Variants in PDE10A observed in about 807,000 individuals in gnomAD.
PDE10A encodes the protein cAMP and cAMP-inhibited cGMP 3',5'-cyclic phosphodiesterase 10A.
A neutral mutation model predicts 97.7 loss-of-function variants in PDE10A; 39 were observed. That is an observed-to-expected ratio of 0.40 (90% CI 0.31 to 0.52). PDE10A has a LOEUF of 0.52. PDE10A is among the 20% of genes least tolerant of loss of function. The pLI, the probability that PDE10A is intolerant of heterozygous loss-of-function variation, is 0.56. For missense variants in PDE10A, 731 were observed against 1,047.8 expected, an observed-to-expected ratio of 0.70 and a Z score of 4.17; for synonymous variants, 371 against 376.8, an observed-to-expected ratio of 0.98 and a Z score of 0.18.
chr6:165,551,978 C>A (rs972392236), intron 1 of PDE10A, among the ~76,000 whole-genome samples: 3 of 152,120 alleles, frequency 2.0e-5, no homozygotes, highest in Admixed American at 2.0e-4. Flanking sequence ...CCTTCCTTTC[C>A]TCACCTCATC....
intron 1 of PDE10A, among the ~76,000 whole-genome samples, chr6:165,680,052 T>C (rs1790933721): frequency 6.6e-6 from 1 of 152,118 alleles, no homozygotes; most frequent in South Asian, 2.1e-4. Flanking sequence ...TTGGGTACTG[T>C]TGGGTACTGT....
chr6:165,369,455 GA>G (rs1267307861), intron 18 of PDE10A, among the ~76,000 whole-genome samples: 1 of 150,404 alleles, frequency 6.6e-6, no homozygotes, highest in Non-Finnish European at 1.5e-5. Flanking sequence ...GAGCTGATGC[GA>G]TCAACTGGAA....
chr6:165,579,773 T>C (rs1368274166), intron 1 of PDE10A, among the ~76,000 whole-genome samples: 2 of 152,224 alleles, frequency 1.3e-5, no homozygotes, highest in Non-Finnish European at 2.9e-5. Context: ...CTGTTCCTCA[T>C]GACCTCTCTG....
intron 1 of PDE10A, among the ~76,000 whole-genome samples, chr6:165,876,463 A>G (rs1263036694): frequency 6.6e-6 from 1 of 152,240 alleles, no homozygotes; most frequent in African/African-American, 2.4e-5. Context: ...AGGCACCTGA[A>G]GAAATCAACA....
chr6:165,554,938 T>A (rs1437757829), intron 1 of PDE10A, among the ~76,000 whole-genome samples: 1 of 152,184 alleles, frequency 6.6e-6, no homozygotes, highest in Admixed American at 6.5e-5. Context: ...CATCGCATGT[T>A]CTCATTTATT....
intron 1 of PDE10A, 68 bp from the exon 2 acceptor site, chr6:165,543,636 T>G (rs1783581692): frequency 2.4e-6 from 3 of 1,257,992 alleles, no homozygotes; most frequent in Admixed American, 2.1e-5. Flanking sequence ...AGGTATAGTA[T>G]CACAACACAT....
At chr6:165,905,380 TAA>T (rs1782231856) in intron 1 of PDE10A, among the ~76,000 whole-genome samples, 1 of 152,176 alleles carries the variant, frequency 6.6e-6, no homozygotes, top group Admixed American at 6.5e-5. Context: ...TACATGCAAT[TAA>T]AAGCAATTCG....
Position 165,329,554 on chromosome 6 carries a change from T to G in PDE10A, c.*3471A>C, listed in dbSNP as rs1036857304. Reference sequence around the variant, plus strand: ...GAAACACAATACCCAAACCTAAACCTATTAAAAAACCCAGGTATCTAAGGA... The same window carrying G: ...GAAACACAATACCCAAACCTAAACCGATTAAAAAACCCAGGTATCTAAGGA... On this transcript the variant is annotated 3_prime_UTR_variant, in exon 22 of 22. Transcript: ENST00000539869. 2 of 152,152 alleles carry G rather than the reference T, an allele frequency of 1.3e-5. No homozygotes were observed. The highest frequency in any genetic ancestry group is 4.8e-5 in the African/African-American group (2 of 41,444). 9.4% of individuals were successfully genotyped at this position (152,152 alleles called of 1,614,324 possible). A position where few individuals can be genotyped will look rare whatever the true frequency, so the allele number is the denominator to read the frequency against.
intron 1 of PDE10A, among the ~76,000 whole-genome samples, chr6:165,724,995 C>T (rs564354161): frequency 5.3e-5 from 8 of 152,284 alleles, no homozygotes; most frequent in Non-Finnish European, 1.2e-4. Flanking sequence ...GCCCACAGAC[C>T]TAGGTGAGAA....
chr6:165,494,516 G>A (rs1018982662), intron 2 of PDE10A, among the ~76,000 whole-genome samples: 6 of 129,892 alleles, frequency 4.6e-5, no homozygotes, highest in Non-Finnish European at 8.0e-5. Context: ...CATGGTGTGT[G>A]CATATATATA....
Position 165,662,362 on chromosome 6 carries a change from C to T in PDE10A, c.450G>A (p.Ala150=). The T allele has an allele frequency of 6.1e-6, 1 of 163,088 alleles. No individual in the cohort carries two copies. The highest frequency in any genetic ancestry group is 1.3e-5 in the Non-Finnish European group (1 of 78,266). 10.1% of individuals were successfully genotyped at this position (163,088 alleles called of 1,614,324 possible). ...CGCCGCCTCCTCCCGCCGCCGCCGC[C>T]GCCGCTGCGCCCTCCCTTCCTGGGA... ...VRLPGREGAA[A]AAAAGGGGDA... is the part of the protein sequence containing the mutation. The change falls in exon 1 of 22, where the codon GCG becomes GCA. Residue 150 remains alanine, a synonymous_variant. Transcript: ENST00000539869.
intron 3 of PDE10A, among the ~76,000 whole-genome samples, chr6:165,470,629 G>A (rs1406999702): frequency 1.3e-5 from 2 of 151,964 alleles, no homozygotes; most frequent in Non-Finnish European, 1.5e-5. Context: ...GTTGTATTTG[G>A]TTACGCTTGT....
intron 1 of PDE10A, among the ~76,000 whole-genome samples, chr6:165,796,087 T>C (rs868596175): frequency 3.2e-4 from 41 of 127,234 alleles, no homozygotes; most frequent in African/African-American, 1.2e-3. Context: ...CTTTTTTTTC[T>C]TTTCTTTTTT....
At chr6:165,719,879 C>T (rs146052536) in intron 1 of PDE10A, among the ~76,000 whole-genome samples, 11 of 152,192 alleles carry the variant, frequency 7.2e-5, no homozygotes, top group African/African-American at 2.4e-4. Flanking sequence ...ATCCAAGTAC[C>T]CTATTTGGCT....
chr6:165,862,651 T>G (rs1220616779), intron 1 of PDE10A, among the ~76,000 whole-genome samples: 2 of 149,836 alleles, frequency 1.3e-5, no homozygotes, highest in East Asian at 4.0e-4. Context: ...AACACTGAGT[T>G]AGAACCTCAA....
At chr6:165,667,565 A>T (rs1049906392), upstream of PDE10A, among the ~76,000 whole-genome samples, 2 of 151,908 alleles carry the variant, frequency 1.3e-5, no homozygotes, top group East Asian at 3.9e-4. Context: ...TTTTGATGAG[A>T]TGCAAATGGT....
chr6:165,672,135 A>G lies in PDE10A; in HGVS notation c.-614-128567T>C, dbSNP rs61531346. On this transcript the variant is annotated intron_variant, in intron 1 of 19. Coordinates refer to the PDE10A transcript ENST00000366882. ...CTGTATTTACAACTTGATTTCATTG[A>G]CAGTAAAGATTTCCACAGTTTATCA... 2.5e-3 allele frequency among the ~76,000 whole-genome samples: 379 copies of G among 152,342 alleles called. 1 individual carries two copies. Among genetic ancestry groups the G allele is most frequent in the African/African-American group, 8.3e-3 (347 of 41,578 alleles).
chr6:165,484,277 T>C (rs531103297), intron 2 of PDE10A, among the ~76,000 whole-genome samples: 4 of 152,240 alleles, frequency 2.6e-5, no homozygotes, highest in Non-Finnish European at 5.9e-5. Context: ...AGAGTTGCAC[T>C]GTGGGAACAC....
chr6:165,696,440 C>T (rs1415057107), intron 1 of PDE10A, among the ~76,000 whole-genome samples: 1 of 152,200 alleles, frequency 6.6e-6, no homozygotes, highest in African/African-American at 2.4e-5. Context: ...TATCGATGGA[C>T]ACTACCTGCC....
Sources: allele counts gnomAD v4.1 joint callset (sites outside exome capture counted in the v4.1 genomes callset), GRCh38; gene constraint gnomAD v4.1.1; transcripts MANE v1.5; gene names NCBI Gene and HGNC (gene_info 2026-07-23, HGNC 2026-07-21).